RNLS: variants seen among roughly 807,000 people sequenced by gnomAD.
RNLS encodes the protein renalase.
A neutral mutation model predicts 39.8 loss-of-function variants in RNLS; 39 were observed. The ratio of observed to expected loss-of-function variants is 0.98; its 90% confidence interval spans 0.76 to 1.28. RNLS has a LOEUF of 1.28. Ranked by LOEUF, RNLS falls within the 50% of genes most tolerant of loss-of-function variation. The pLI is 0.00. For missense variants in RNLS, 410 were observed against 413.3 expected (o/e 0.99, Z 0.07); for synonymous variants, 147 against 150.7 (o/e 0.98, Z 0.18).
At chr10:88,458,146 G>A (rs893578838) in intron 4 of RNLS, among the ~76,000 whole-genome samples, 3 of 152,130 alleles carry the variant, frequency 2.0e-5, no homozygotes, top group African/African-American at 4.8e-5. Flanking sequence ...CTCCCATCTG[G>A]GTTAGCTTTC....
chr10:88,502,712 A>G (rs1845575151), intron 4 of RNLS, among the ~76,000 whole-genome samples: 1 of 152,168 alleles, frequency 6.6e-6, no homozygotes. Context: ...GATTCTGTGT[A>G]TAATAAAGTT....
the RNLS span, among the ~76,000 whole-genome samples, chr10:88,180,278 A>G: frequency 1.3e-5 from 2 of 152,250 alleles, no homozygotes; most frequent in Non-Finnish European, 2.9e-5. Context: ...AGACTGCACC[A>G]TGTCAGAAAA....
chr10:88,503,234 A>G (rs762906463), intron 4 of RNLS, among the ~76,000 whole-genome samples: 1 of 152,130 alleles, frequency 6.6e-6, no homozygotes, highest in Non-Finnish European at 1.5e-5. Flanking sequence ...TACAAAAACT[A>G]GCTGGGCATG....
intron 4 of RNLS, among the ~76,000 whole-genome samples, chr10:88,479,018 G>A (rs530908984): frequency 3.3e-5 from 5 of 152,184 alleles, no homozygotes; most frequent in Non-Finnish European, 7.4e-5. Flanking sequence ...TCTGTAAGAT[G>A]AGGATGATAG....
At chr10:88,265,519 A>T in the RNLS span, among the ~76,000 whole-genome samples, 1 of 151,490 alleles carries the variant, frequency 6.6e-6, no homozygotes. Context: ...GTTGTCTATG[A>T]CTTCTTTCAG....
At chr10:88,419,083 C>T (rs1467089199) in intron 4 of RNLS, among the ~76,000 whole-genome samples, 1 of 152,110 alleles carries the variant, frequency 6.6e-6, no homozygotes, top group African/African-American at 2.4e-5. Flanking sequence ...GGCCTAGATT[C>T]CTTAGGATTC....
chr10:88,555,831 C>G (rs1848845200), intron 4 of RNLS, among the ~76,000 whole-genome samples: 1 of 152,116 alleles, frequency 6.6e-6, no homozygotes, highest in Admixed American at 6.6e-5. Flanking sequence ...TCACTGGCAT[C>G]TCCCTCTCAG....
chr10:88,187,178 A>AAT, the RNLS span, among the ~76,000 whole-genome samples: 1 of 127,440 alleles, frequency 7.8e-6, no homozygotes, highest in Non-Finnish European at 1.7e-5. Flanking sequence ...ATATATATAT[A>AAT]ATATATATAA....
the RNLS span, among the ~76,000 whole-genome samples, chr10:88,256,569 C>T: frequency 6.6e-6 from 1 of 152,216 alleles, no homozygotes; most frequent in Non-Finnish European, 1.5e-5. Flanking sequence ...GGTCCGCCCA[C>T]CTTCGGCCAA....
At chr10:88,464,785 A>G (rs1308658029) in intron 4 of RNLS, among the ~76,000 whole-genome samples, 2 of 152,232 alleles carry the variant, frequency 1.3e-5, no homozygotes, top group Middle Eastern at 3.4e-3. Context: ...CTACAAGGAA[A>G]ATGAACGTCA....
At chr10:88,184,733 G>A in the RNLS span, among the ~76,000 whole-genome samples, 3 of 152,120 alleles carry the variant, frequency 2.0e-5, no homozygotes, top group Admixed American at 1.3e-4. Flanking sequence ...GTTTATGAAT[G>A]TCATACCAAG....
At chr10:88,517,820 CAGAAGGTTTGG>C in intron 4 of RNLS, among the ~76,000 whole-genome samples, 1 of 151,860 alleles carries the variant, frequency 6.6e-6, no homozygotes. Context: ...CTGCCAACAC[CAGAAGGTTTGG>C]AGAGAAAATT....
At chr10:88,187,490 G>A in the RNLS span, among the ~76,000 whole-genome samples, 1 of 152,060 alleles carries the variant, frequency 6.6e-6, no homozygotes, top group Non-Finnish European at 1.5e-5. Flanking sequence ...CCCTTGGCAG[G>A]AAGGTAGCCA....
the RNLS span, among the ~76,000 whole-genome samples, chr10:88,209,414 G>C: frequency 6.6e-6 from 1 of 152,154 alleles, no homozygotes; most frequent in African/African-American, 2.4e-5. Flanking sequence ...TGATGACGAT[G>C]GCAGAGATTG....
chr10:88,469,552 A>G (rs1055636154), intron 4 of RNLS, among the ~76,000 whole-genome samples: 10 of 152,190 alleles, frequency 6.6e-5, no homozygotes, highest in African/African-American at 2.2e-4. Flanking sequence ...TAGTTGCACA[A>G]TTAAAGAAAT....
chr10:88,281,219 A>AC (rs1458291946), downstream of RNLS, among the ~76,000 whole-genome samples: 2 of 152,182 alleles, frequency 1.3e-5, no homozygotes, highest in African/African-American at 4.8e-5. Context: ...GCACAGTAAG[A>AC]ACTTATTTGT....
intron 5 of RNLS, among the ~76,000 whole-genome samples, chr10:88,317,599 AACCT>A (rs1845859006): frequency 6.6e-6 from 1 of 152,202 alleles, no homozygotes; most frequent in South Asian, 2.1e-4. Flanking sequence ...TTACTGTTTT[AACCT>A]ATTTTACATA....
rs1279044344 is a variant in RNLS, at chr10:88,307,143, G to A, written c.876+7323C>T. Among the ~76,000 whole-genome samples, 4 of 152,162 alleles carry A rather than the reference G, an allele frequency of 2.6e-5. No individual in the cohort carries two copies. The East Asian group carries it at 5.8e-4, about 22-fold the overall frequency. On this transcript the variant is annotated intron_variant, in intron 6 of 6. Transcript: ENST00000331772. ...ATACCCTTTCATGTGAAAAACTCTC[G>A]ATAAACTAGGTATTGAAGGAACATA...
At chr10:88,348,555 T>C (rs1848467610) in intron 5 of RNLS, among the ~76,000 whole-genome samples, 1 of 152,206 alleles carries the variant, frequency 6.6e-6, no homozygotes, top group East Asian at 1.9e-4. Flanking sequence ...GTATGGATGC[T>C]GTATAGATCT....
Sources: allele counts gnomAD v4.1 joint callset (sites outside exome capture counted in the v4.1 genomes callset), GRCh38; gene constraint gnomAD v4.1.1; transcripts MANE v1.5; gene names NCBI Gene and HGNC (gene_info 2026-07-23, HGNC 2026-07-21).